CDK5RAP1: variants seen among roughly 807,000 people sequenced by gnomAD.
CDK5RAP1 encodes CDK5RAP1 mitochondrial tRNA methylthiotransferase.
Under a neutral mutation model 64.5 loss-of-function variants are expected in CDK5RAP1, and 62 were observed. The ratio of observed to expected loss-of-function variants is 0.96; its 90% CI spans 0.78 to 1.19. The LOEUF is 1.19. Ranked by LOEUF, CDK5RAP1 falls within the 50% of genes most tolerant of loss-of-function variation. The pLI is 0.00. For missense variants in CDK5RAP1, 657 were observed against 735.0 expected, an observed-to-expected ratio of 0.89 and a Z score of 1.23; for synonymous variants, 250 against 261.9, an observed-to-expected ratio of 0.95 and a Z score of 0.44.
intron 12 of CDK5RAP1, among the ~76,000 whole-genome samples, chr20:33,366,504 C>T (rs1233262355): frequency 2.6e-5 from 4 of 151,746 alleles, no homozygotes; most frequent in Non-Finnish European, 5.9e-5. Context: ...CCCAGCTACT[C>T]GGGAGGCAGA....
At chr20:33,366,293 TA>T (rs1983933470) in intron 12 of CDK5RAP1, among the ~76,000 whole-genome samples, 1 of 120,838 alleles carries the variant, frequency 8.3e-6, no homozygotes, top group African/African-American at 3.3e-5. Context: ...CACTCCAGCC[TA>T]AGTGAAAGAG....
At chr20:33,396,533 C>A (rs998932385) in intron 2 of CDK5RAP1, among the ~76,000 whole-genome samples, 3 of 152,166 alleles carry the variant, frequency 2.0e-5, no homozygotes, top group African/African-American at 7.2e-5. Context: ...CTCCTGGGCT[C>A]AAGCAATCCA....
intron 12 of CDK5RAP1, among the ~76,000 whole-genome samples, chr20:33,361,955 C>CAAAA (rs11481557): frequency 4.6e-5 from 4 of 87,854 alleles, no homozygotes; most frequent in East Asian, 2.9e-4. Flanking sequence ...GCCTCAGTCT[C>CAAAA]AAAAAAAAAA....
chr20:33,386,699 A>G (rs1213622216), intron 6 of CDK5RAP1, among the ~76,000 whole-genome samples: 1 of 151,408 alleles, frequency 6.6e-6, no homozygotes, highest in East Asian at 2.0e-4. Context: ...AATGTTAGCT[A>G]TTATTCTTAC....
At chr20:33,367,552 C>T (rs904283352) in intron 11 of CDK5RAP1, among the ~76,000 whole-genome samples, 2 of 152,166 alleles carry the variant, frequency 1.3e-5, no homozygotes, top group African/African-American at 4.8e-5. Flanking sequence ...TACATACAGG[C>T]ATGCTTATAA....
intron 6 of CDK5RAP1, 104 bp downstream of exon 6, chr20:33,387,219 G>T: frequency 1.2e-6 from 1 of 822,540 alleles, no homozygotes; most frequent in Non-Finnish European, 1.9e-6. Context: ...TCATGACACT[G>T]CACTCCAGCC....
intron 1 of CDK5RAP1, among the ~76,000 whole-genome samples, chr20:33,398,076 C>A (rs549611587): frequency 6.6e-6 from 1 of 152,302 alleles, no homozygotes; most frequent in Non-Finnish European, 1.5e-5. Context: ...AATAACACAA[C>A]CTTTATAGAG....
chr20:33,389,467 G>C (rs918085244), intron 5 of CDK5RAP1, among the ~76,000 whole-genome samples: 2 of 151,922 alleles, frequency 1.3e-5, no homozygotes, highest in Non-Finnish European at 2.9e-5. Context: ...TCTCCGCCCA[G>C]CAGCCGCCCC....
intron 12 of CDK5RAP1, 38 bp from the exon 13 acceptor site, chr20:33,360,529 C>T: frequency 6.3e-7 from 1 of 1,585,480 alleles, no homozygotes; most frequent in Non-Finnish European, 8.6e-7. Flanking sequence ...GGATTTGTCA[C>T]AGTTGTAAGT....
At chr20:33,398,047 T>C (rs1989063620) in intron 1 of CDK5RAP1, among the ~76,000 whole-genome samples, 1 of 151,998 alleles carries the variant, frequency 6.6e-6, no homozygotes, top group Admixed American at 6.6e-5. Context: ...ACCCAGACCC[T>C]CTCACACTTG....
At chr20:33,391,072 A>C (rs1317782421) in intron 5 of CDK5RAP1, among the ~76,000 whole-genome samples, 1 of 151,998 alleles carries the variant, frequency 6.6e-6, no homozygotes, top group Admixed American at 6.6e-5. Flanking sequence ...TGGGCAATAT[A>C]GCAAGACCCT....
At chr20:33,377,794 G>A (rs1017345484) in intron 8 of CDK5RAP1, among the ~76,000 whole-genome samples, 1 of 152,148 alleles carries the variant, frequency 6.6e-6, no homozygotes, top group Non-Finnish European at 1.5e-5. Context: ...TAGGATTACA[G>A]GTCTGCACAA....
At chr20:33,394,954 G>T in intron 3 of CDK5RAP1, 59 bp downstream of exon 3, 1 of 1,039,218 alleles carries the variant, frequency 9.6e-7, no homozygotes, top group Non-Finnish European at 1.5e-6. Context: ...CTAAGAACTG[G>T]CACAAATGCA....
intron 11 of CDK5RAP1, among the ~76,000 whole-genome samples, chr20:33,367,336 T>A (rs747884025): frequency 9.8e-5 from 15 of 152,364 alleles, no homozygotes; most frequent in Admixed American, 7.8e-4. Context: ...GTACTATTTA[T>A]GAAGACATAA....
At chr20:33,395,249 A>G (rs536940682) in intron 2 of CDK5RAP1, 133 bp from the exon 3 acceptor site, 19 of 606,604 alleles carry the variant, frequency 3.1e-5, no homozygotes, top group Admixed American at 8.2e-5. Flanking sequence ...TATTGCTTCA[A>G]TCTTAAGATA....
intron 11 of CDK5RAP1, among the ~76,000 whole-genome samples, chr20:33,369,129 ACT>A (rs1433945943): frequency 3.3e-5 from 5 of 150,678 alleles, no homozygotes; most frequent in Non-Finnish European, 7.4e-5. Context: ...ACAGAGCGAG[ACT>A]CTGTCTCAAA....
intron 13 of CDK5RAP1, 34 bp from the exon 14 acceptor site, chr20:33,359,157 A>G (rs771366431): frequency 2.8e-5 from 42 of 1,486,126 alleles, no homozygotes; most frequent in Non-Finnish European, 3.7e-5. Flanking sequence ...AGGCAAAATA[A>G]CTAGGACTGT....
intron 13 of CDK5RAP1, chr20:33,359,324 C>G (rs1982473542): frequency 3.5e-6 from 2 of 563,474 alleles, no homozygotes; most frequent in Admixed American, 6.3e-5. Flanking sequence ...TTTAAGAAGT[C>G]AAAGCAGGTC....
intron 6 of CDK5RAP1, among the ~76,000 whole-genome samples, 188 bp downstream of exon 6, chr20:33,387,135 T>C (rs1001886282): frequency 2.1e-4 from 32 of 150,816 alleles, no homozygotes; most frequent in Admixed American, 1.5e-3. Flanking sequence ...GGTGTGGGGG[T>C]GCACACCTGT....
Sources: allele counts gnomAD v4.1 joint callset (sites outside exome capture counted in the v4.1 genomes callset), GRCh38; gene constraint gnomAD v4.1.1; transcripts MANE v1.5; gene names NCBI Gene and HGNC (gene_info 2026-07-23, HGNC 2026-07-21).